Variants in APPBP2 observed in about 807,000 individuals in gnomAD.
The protein encoded by APPBP2 is amyloid protein-binding protein 2.
In APPBP2, 15 loss-of-function variants were observed where a neutral mutation model predicts 76.0. The observed-to-expected ratio is 0.20, with a 90% confidence interval of 0.13 to 0.30. The LOEUF (loss-of-function observed/expected upper bound fraction) is 0.30, where lower values mean the gene tolerates loss of function less well. Ranked by LOEUF, APPBP2 falls within the 10% of genes least tolerant of loss-of-function variation. APPBP2 has a pLI of 1.00. For synonymous variants in APPBP2, 222 were observed against 242.2 expected, an observed-to-expected ratio of 0.92 and a Z score of 0.77; for missense variants, 401 against 687.2, an observed-to-expected ratio of 0.58 and a Z score of 4.66.
At chr17:60,494,685 G>A in intron 2 of APPBP2, 68 bp from the exon 3 acceptor site, 1 of 1,344,988 alleles carries the variant, frequency 7.4e-7, no homozygotes, top group South Asian at 1.5e-5. Context: ...AGTGCTAACT[G>A]CTTCTCTTTT....
At chr17:60,473,011 A>C (rs1369166896) in intron 4 of APPBP2, among the ~76,000 whole-genome samples, 1 of 152,104 alleles carries the variant, frequency 6.6e-6, no homozygotes, top group Non-Finnish European at 1.5e-5. Flanking sequence ...TTTTTATGAT[A>C]TAGCACTAGT....
Position 60,510,016 on chromosome 17 carries a change from T to C in APPBP2, c.139-9529A>G, listed in dbSNP as rs559657080. Among the ~76,000 whole-genome samples, 6 of 151,820 alleles carry C rather than the reference T, an allele frequency of 4.0e-5. No individual in the cohort carries two copies. The South Asian group carries it at 1.2e-3, about 31-fold the overall frequency. On this transcript the variant is annotated intron_variant, in intron 1 of 12. Coordinates refer to ENST00000083182, the MANE Select transcript of APPBP2 (RefSeq NM_006380.5). ...TAAAAAAGGAAGTCTTGTAAATGTATCCTTTACCTCTAACATAAAAGAATA... is the reference window on the plus strand; with the variant it reads ...TAAAAAAGGAAGTCTTGTAAATGTACCCTTTACCTCTAACATAAAAGAATA...
At position 60,473,852 on chromosome 17, in the gene APPBP2, T is replaced by A. The variant is rs1352174258; in HGVS notation, c.503+5296A>T. On this transcript the variant is annotated intron_variant, in intron 4 of 12. Transcript: ENST00000083182. Reference sequence around the variant, plus strand: ...GTCATCTGACAGTTTTTATTTTATCTTTTAAATAAATCCTTCTTTGGAATG... The same window carrying A: ...GTCATCTGACAGTTTTTATTTTATCATTTAAATAAATCCTTCTTTGGAATG... 2.0e-5 allele frequency among the ~76,000 whole-genome samples: 3 copies of A among 152,358 alleles called. No individual in the cohort carries two copies. In the East Asian group the frequency reaches 5.8e-4, roughly 29 times the overall value.
chr17:60,464,064 A>T lies in APPBP2; in HGVS notation c.719T>A (p.Leu240Ter). 1 of 1,612,106 alleles carries T rather than the reference A, an allele frequency of 6.2e-7. No individual in the cohort carries two copies. Among genetic ancestry groups the T allele is most frequent in the Non-Finnish European group, 8.5e-7 (1 of 1,179,282 alleles). ...IEAMKEITAG[L>*]PVKVVVDVLR... ...GACATCCACCACAACTTTCACTGGT[A>T]AGCCTGCTGTAATTTCTTTCATTGC... is the stretch of plus-strand genomic sequence containing the variant. The change falls in exon 6 of 13, where the codon TTA becomes TAA. Residue 240 changes from leucine (L) to a stop codon, truncating the protein, a stop_gained. Transcript: ENST00000083182. LOFTEE classifies it high-confidence loss of function.
rs940131301 is a variant in APPBP2, at chr17:60,446,583, T to G, written c.*998A>C. 3.9e-5 allele frequency: 6 copies of G among 152,246 alleles called. No homozygotes were observed. Among genetic ancestry groups the G allele is most frequent in the Non-Finnish European group, 1.5e-5 (1 of 68,036 alleles). 9.4% of individuals were successfully genotyped at this position (152,246 alleles called of 1,614,324 possible). A position where few individuals can be genotyped will look rare whatever the true frequency, so the allele number is the denominator to read the frequency against. On this transcript the variant is annotated 3_prime_UTR_variant, in exon 13 of 13. Coordinates refer to ENST00000083182, the MANE Select transcript of APPBP2 (RefSeq NM_006380.5). Reference sequence around the variant, plus strand: ...ACACACAGCCAATATACTTGTTAACTGCATTGATTATTAGGGCAACATTTA... The same window carrying G: ...ACACACAGCCAATATACTTGTTAACGGCATTGATTATTAGGGCAACATTTA...
At chr17:60,493,738 C>G (rs1258035836) in intron 3 of APPBP2, among the ~76,000 whole-genome samples, 1 of 150,722 alleles carries the variant, frequency 6.6e-6, no homozygotes, top group Non-Finnish European at 1.5e-5. Flanking sequence ...CTCCCAAGTT[C>G]AAGCAATTCT....
At chr17:60,525,233 C>CTTTAA (rs751779113) in intron 1 of APPBP2, among the ~76,000 whole-genome samples, 1 of 152,292 alleles carries the variant, frequency 6.6e-6, no homozygotes, top group East Asian at 1.9e-4. Flanking sequence ...AAAATCAAAG[C>CTTTAA]TTTAAAGAAT....
chr17:60,518,358 C>CGTGTGT (rs59428194), intron 1 of APPBP2, among the ~76,000 whole-genome samples: 183 of 89,092 alleles, frequency 2.1e-3, no homozygotes, highest in Non-Finnish European at 2.9e-3. Context: ...TGTGTGCGTG[C>CGTGTGT]GTGTGTGTGT....
At chr17:60,507,922 C>T (rs565007360) in intron 1 of APPBP2, among the ~76,000 whole-genome samples, 2 of 151,728 alleles carry the variant, frequency 1.3e-5, no homozygotes, top group African/African-American at 2.4e-5. Flanking sequence ...CAAGTAGCTA[C>T]AACTAAAGAC....
rs781285373 is a variant in APPBP2 at position 60,460,744 on chromosome 17, A to G, written c.980T>C (p.Ile327Thr). The G allele has an allele frequency of 5.6e-6, 9 of 1,613,864 alleles. No homozygotes were observed. Among genetic ancestry groups the G allele is most frequent in the Non-Finnish European group, 6.8e-6 (8 of 1,179,804 alleles). The stretch of plus-strand genomic sequence containing the variant: ...ATCTTCATGAGCTGTTGCTACGTGG[A>G]TATTTTTGCCACCAAACACTGACTG... ...IRQSVFGGKN[I>T]HVATAHEDLA... Residue 327 changes from isoleucine (I) to threonine (T), a missense_variant, in exon 9 of 13, where the codon ATC (isoleucine) becomes ACC (threonine). Physicochemically the swap from Ile to Thr is moderately conservative, Grantham distance 89. Transcript: ENST00000083182.
chr17:60,483,561 T>G (rs2090648458), intron 3 of APPBP2, among the ~76,000 whole-genome samples: 1 of 152,016 alleles, frequency 6.6e-6, no homozygotes. Flanking sequence ...ACCTGGCTAT[T>G]TTTTTGTATT....
At chr17:60,477,225 A>C (rs1200959359) in intron 4 of APPBP2, among the ~76,000 whole-genome samples, 1 of 152,220 alleles carries the variant, frequency 6.6e-6, no homozygotes, top group African/African-American at 2.4e-5. Context: ...TCTTGTGAGA[A>C]AACTAAACCT....
At chr17:60,448,072 T>C (rs2090364279) in intron 12 of APPBP2, among the ~76,000 whole-genome samples, 1 of 152,190 alleles carries the variant, frequency 6.6e-6, no homozygotes, top group Non-Finnish European at 1.5e-5. Flanking sequence ...AGAATAGAAT[T>C]ATAAAAATTC....
chr17:60,508,527 C>T (rs761231176), intron 1 of APPBP2, among the ~76,000 whole-genome samples: 21 of 152,142 alleles, frequency 1.4e-4, no homozygotes, highest in Non-Finnish European at 2.5e-4. Context: ...GTAGTTTATA[C>T]CTCTGAATGG....
intron 1 of APPBP2, among the ~76,000 whole-genome samples, chr17:60,525,146 C>T (rs1358121432): frequency 6.6e-6 from 1 of 152,204 alleles, no homozygotes; most frequent in Non-Finnish European, 1.5e-5. Context: ...TCTCCCTGTC[C>T]TCTTCAAACA....
Position 60,447,719 on chromosome 17 carries a change from C to G in APPBP2, c.1620G>C (p.Leu540=). ...GATCTCGCAACCGGTTCCAGTTAGA[C>G]AGAACATTGTGATATTCAAACACTT... ...YEKVFEYHNV[L]SNWNRLRDRQ... Residue 540 remains leucine, a synonymous_variant, in exon 13 of 13, where the codon CTG becomes CTC. Coordinates refer to ENST00000083182, the MANE Select transcript of APPBP2 (RefSeq NM_006380.5). 1 of 1,614,112 alleles carries G rather than the reference C, an allele frequency of 6.2e-7. No homozygotes were observed. Among genetic ancestry groups the G allele is most frequent in the Non-Finnish European group, 8.5e-7 (1 of 1,180,042 alleles).
At chr17:60,452,178 C>T (rs530334686) in intron 11 of APPBP2, 133 bp from the exon 12 acceptor site, 73 of 908,912 alleles carry the variant, frequency 8.0e-5, no homozygotes, top group Non-Finnish European at 1.1e-4. Flanking sequence ...AAAGAACATA[C>T]TATGTTATTC....
chr17:60,495,776 C>T (rs1228442321), intron 2 of APPBP2, among the ~76,000 whole-genome samples: 1 of 152,080 alleles, frequency 6.6e-6, no homozygotes, highest in Non-Finnish European at 1.5e-5. Flanking sequence ...CCATATTATA[C>T]ACCCTAGGTA....
chr17:60,492,383 A>G (rs999023837), intron 3 of APPBP2, among the ~76,000 whole-genome samples: 20 of 152,214 alleles, frequency 1.3e-4, no homozygotes, highest in African/African-American at 4.8e-4. Flanking sequence ...ACTGTGCTCC[A>G]GACCACAGAA....
Sources: allele counts gnomAD v4.1 joint callset (sites outside exome capture counted in the v4.1 genomes callset), GRCh38; gene constraint gnomAD v4.1.1; transcripts MANE v1.5; gene names NCBI Gene and HGNC (gene_info 2026-07-23, HGNC 2026-07-21).